The following IBTK variants were observed in gnomAD, a reference collection of about 807,000 sequenced individuals.
The protein encoded by IBTK is inhibitor of Bruton tyrosine kinase, also known as BTK-binding protein.
In IBTK, 83 loss-of-function variants were observed where a neutral mutation model predicts 154.9. That is an observed-to-expected ratio of 0.54 (90% confidence interval 0.45 to 0.64). IBTK has a LOEUF of 0.64. IBTK is among the 30% of genes least tolerant of loss of function. The probability of loss-of-function intolerance (pLI) is 0.00; values close to 1 mark genes in which losing one functional copy is unlikely to be tolerated. For missense variants in IBTK, 1,332 were observed against 1,584.6 expected (o/e 0.84, Z 2.71); for synonymous variants, 515 against 536.1 (o/e 0.96, Z 0.54).
intron 26 of IBTK, among the ~76,000 whole-genome samples, chr6:82,177,182 G>A (rs1260491432): frequency 6.7e-6 from 1 of 149,012 alleles, no homozygotes; most frequent in Non-Finnish European, 1.5e-5. Flanking sequence ...ATATTGTATC[G>A]TAATTTCTTT....
chr6:82,247,143 G>A (rs1252373407), intron 1 of IBTK, among the ~76,000 whole-genome samples: 1 of 152,188 alleles, frequency 6.6e-6, no homozygotes, highest in Non-Finnish European at 1.5e-5. Context: ...TGCTTCCCCA[G>A]AGTCAGTATC....
chr6:82,171,706 G>A lies in IBTK; in HGVS notation c.3931-150C>T. 5.8e-6 allele frequency: 4 copies of A among 689,706 alleles called. No homozygotes were observed. The South Asian group carries it at 7.2e-5, about 12-fold the overall frequency. 42.7% of individuals were successfully genotyped at this position (689,706 alleles called of 1,614,324 possible). On this transcript the variant is annotated intron_variant, in intron 28 of 28. Transcript: ENST00000306270. ...ATCAGGTATCCTGCATTTTAAATCA[G>A]GTATCCTGCTATCTCTGTGGCAAGG...
chr6:82,240,212 CT>C lies in IBTK; in HGVS notation c.274del (p.Arg92GlufsTer15). The C allele has an allele frequency of 6.2e-7, 1 of 1,614,100 alleles. No individual in the cohort carries two copies. Among genetic ancestry groups the C allele is most frequent in the East Asian group, 2.2e-5 (1 of 44,882 alleles). On this transcript the variant is annotated frameshift_variant, in exon 2 of 29. Transcript: ENST00000306270. LOFTEE classifies it high-confidence loss of function. The part of the protein sequence containing the change: ...DKESGWTALH[R>X]SIFYGHIDCV... ...ATCAATATGTCCATAAAAAATGCTT[CT>C]GTGCAATGCTGTCCATCCAGACTCT...
intron 3 of IBTK, among the ~76,000 whole-genome samples, chr6:82,233,480 A>T (rs967558201): frequency 6.6e-6 from 1 of 152,204 alleles, no homozygotes; most frequent in Non-Finnish European, 1.5e-5. Flanking sequence ...CAATTATAAC[A>T]GTCCTCCCAT....
At chr6:82,223,223 A>G (rs1222619584) in intron 8 of IBTK, among the ~76,000 whole-genome samples, 3 of 152,234 alleles carry the variant, frequency 2.0e-5, no homozygotes, top group East Asian at 3.8e-4. Context: ...AACATAATTC[A>G]GAAATACCAC....
intron 25 of IBTK, among the ~76,000 whole-genome samples, chr6:82,190,712 G>A (rs1164323935): frequency 1.3e-5 from 2 of 150,276 alleles, no homozygotes; most frequent in African/African-American, 4.9e-5. Flanking sequence ...TGTGTCTGAT[G>A]TATTTAATTT....
intron 22 of IBTK, among the ~76,000 whole-genome samples, chr6:82,195,674 A>G (rs1768957050): frequency 1.3e-5 from 2 of 152,168 alleles, no homozygotes. Flanking sequence ...AAGTTCCGAT[A>G]CGTTTTGTGG....
At position 82,210,829 on chromosome 6, in the gene IBTK, CT is replaced by C; in HGVS notation, c.2493del (p.Ala832LeufsTer3). The C allele has an allele frequency of 6.7e-7, 1 of 1,499,558 alleles. No individual in the cohort carries two copies. The highest frequency in any genetic ancestry group is 1.3e-5 in the South Asian group (1 of 77,022). 92.9% of individuals were successfully genotyped at this position (1,499,558 alleles called of 1,614,324 possible). On this transcript the variant is annotated frameshift_variant, in exon 16 of 29. Coordinates refer to ENST00000306270, the MANE Select transcript of IBTK (RefSeq NM_015525.4). LOFTEE classifies it high-confidence loss of function. Reference protein sequence around the residue: ...KVILDYLYTDEAVVIKESQNV... With the variant: ...KVILDYLYTDXAVVIKESQNV... ...TTATTAATACCTTTTATCACCACAG[CT>C]TCATCAGTATAGAGGTAGTCCAAAA...
chr6:82,195,609 G>T (rs1025756310), intron 22 of IBTK, among the ~76,000 whole-genome samples: 1 of 151,964 alleles, frequency 6.6e-6, no homozygotes, highest in Non-Finnish European at 1.5e-5. Flanking sequence ...AATCCTTGAG[G>T]CCTAAAAGAC....
At chr6:82,185,161 C>T (rs1056871779) in intron 25 of IBTK, among the ~76,000 whole-genome samples, 8 of 125,474 alleles carry the variant, frequency 6.4e-5, no homozygotes, top group Admixed American at 1.9e-4. Context: ...GCAGCCTGGG[C>T]GACAGAGCAA....
rs1280545393 is a variant in IBTK, at chr6:82,171,424, AC to A, written c.4062del (p.Ter1354TyrfsTer6). 3.1e-6 allele frequency: 5 copies of A among 1,611,094 alleles called. No homozygotes were observed. In the Admixed American group the frequency reaches 8.4e-5, roughly 27 times the overall value. The part of the protein sequence containing the change: ...AVPMWNKHGC[*>X] ...AAAATGCATCTCAACTCCACAGTGA[AC>A]TAGCATCCATGCTTATTCCACATAG... On this transcript the variant is annotated frameshift_variant and stop_lost, in exon 29 of 29. Coordinates refer to ENST00000306270, the MANE Select transcript of IBTK (RefSeq NM_015525.4). LOFTEE classifies it high-confidence loss of function.
intron 17 of IBTK, among the ~76,000 whole-genome samples, chr6:82,204,125 CT>C (rs1446629940): frequency 1.3e-5 from 2 of 152,026 alleles, no homozygotes; most frequent in Non-Finnish European, 2.9e-5. Context: ...TAACTACTTC[CT>C]ACAGAAAGCT....
Position 82,196,372 on chromosome 6 carries a change from A to C in IBTK, c.3100T>G (p.Tyr1034Asp), listed in dbSNP as rs1375029297. Residue 1034 changes from tyrosine (Y) to aspartate (D), a missense_variant, in exon 22 of 29, where the codon TAT (tyrosine) becomes GAT (aspartate). Tyr to Asp is a radical substitution (Grantham distance 160). Transcript: ENST00000306270. Reference sequence around the variant, plus strand: ...TCTCTAGGACTACCCACTCCTGCATAGCTTCCTTCAGAGTCTGATGTCAAC... The same window carrying C: ...TCTCTAGGACTACCCACTCCTGCATCGCTTCCTTCAGAGTCTGATGTCAAC... ...ELLTSDSEGS[Y>D]AGVGSPRDLQ... 1 of 1,612,932 alleles carries C rather than the reference A, an allele frequency of 6.2e-7. No individual in the cohort carries two copies. Among genetic ancestry groups the C allele is most frequent in the Admixed American group, 1.7e-5 (1 of 59,964 alleles).
intron 24 of IBTK, 136 bp from the exon 25 acceptor site, chr6:82,191,352 T>G: frequency 7.4e-6 from 5 of 679,778 alleles, no homozygotes; most frequent in Non-Finnish European, 1.2e-5. Flanking sequence ...TAATGTTTTC[T>G]ATTTATTTCA....
chr6:82,178,373 A>C (rs1768193656), intron 26 of IBTK, among the ~76,000 whole-genome samples: 1 of 152,106 alleles, frequency 6.6e-6, no homozygotes, highest in African/African-American at 2.4e-5. Context: ...CTTTTTTTTA[A>C]GTTTCAATGA....
intron 18 of IBTK, 145 bp from the exon 19 acceptor site, chr6:82,201,627 C>T: frequency 2.0e-6 from 1 of 498,394 alleles, no homozygotes; most frequent in East Asian, 3.4e-5. Context: ...CTACAAATTC[C>T]TTTTGGAAAT....
Position 82,204,858 on chromosome 6 carries a change from T to G in IBTK, c.2610A>C (p.Lys870Asn). 6.4e-7 allele frequency: 1 copy of G among 1,573,488 alleles called. No homozygotes were observed. The highest frequency in any genetic ancestry group is 8.7e-7 in the Non-Finnish European group (1 of 1,150,862). Residue 870 changes from lysine to asparagine, a missense_variant and splice_region_variant, in exon 17 of 29, where the codon AAA becomes AAC. Lys to Asn is a moderately conservative substitution (Grantham distance 94, BLOSUM62 0). Around this residue, in one of 3 missense-constraint regions of IBTK, gnomAD observed 1,134 missense variants for 1,274.7 expected, o/e 0.89. Transcript: ENST00000306270. ...KEICEVALTE[K>N]LTLKNAAMLL... Reference sequence around the variant, plus strand: ...ATATTCAAACTCAAAATTACTCACGTTTTTCAGTTAATGCTACTTCACAAA... The same window carrying G: ...ATATTCAAACTCAAAATTACTCACGGTTTTCAGTTAATGCTACTTCACAAA...
Position 82,172,241 on chromosome 6 carries a change from G to A in IBTK, c.3930+139C>T, listed in dbSNP as rs149325662. On this transcript the variant is annotated intron_variant, in intron 28 of 28. Coordinates refer to ENST00000306270, the MANE Select transcript of IBTK (RefSeq NM_015525.4). ...AATACATACACTGCTAGATGCCTCA[G>A]TTTAATTTTACCTGGCATTTACATT... 24 of 744,608 alleles carry A rather than the reference G, an allele frequency of 3.2e-5. 1 individual carries two copies. The highest frequency in any genetic ancestry group is 2.1e-4 in the South Asian group (10 of 47,254). The allele number at this position is 744,608 out of a possible 1,614,324, so 46.1% of individuals were successfully genotyped here.
At chr6:82,241,878 T>C (rs533630031) in intron 1 of IBTK, among the ~76,000 whole-genome samples, 11 of 152,346 alleles carry the variant, frequency 7.2e-5, no homozygotes, top group African/African-American at 2.6e-4. Flanking sequence ...GGAAAGCTTC[T>C]ATGCATCAGA....
Sources: allele counts gnomAD v4.1 joint callset (sites outside exome capture counted in the v4.1 genomes callset), GRCh38; gene constraint gnomAD v4.1.1; regional missense constraint gnomAD v4.1.1; transcripts MANE v1.5; gene names NCBI Gene and HGNC (gene_info 2026-07-23, HGNC 2026-07-21).